KATNIP: variants seen among roughly 807,000 people sequenced by gnomAD.
The protein encoded by KATNIP is katanin interacting protein, also known as katanin-interacting protein.
A neutral mutation model predicts 174.0 loss-of-function variants in KATNIP; 126 were observed. That is an observed-to-expected ratio of 0.72 (90% CI 0.63 to 0.84). KATNIP has a LOEUF of 0.84. KATNIP is among the 40% of genes least tolerant of loss of function. KATNIP has a pLI of 0.00. For synonymous variants in KATNIP, 810 were observed against 835.7 expected, an observed-to-expected ratio of 0.97 and a Z score of 0.53; for missense variants, 1,958 against 2,109.7, an observed-to-expected ratio of 0.93 and a Z score of 1.41.
At chr16:27,712,492 G>C (rs2079618293) in intron 13 of KATNIP, among the ~76,000 whole-genome samples, 1 of 152,166 alleles carries the variant, frequency 6.6e-6, no homozygotes, top group Non-Finnish European at 1.5e-5. Flanking sequence ...ACTTGCCCCA[G>C]GCCATGCGCA....
intron 24 of KATNIP, among the ~76,000 whole-genome samples, chr16:27,775,983 G>A (rs1233523903): frequency 2.6e-5 from 4 of 152,180 alleles, no homozygotes; most frequent in Admixed American, 2.0e-4. Context: ...CTGAGACTCA[G>A]GCCACCCACT....
intron 6 of KATNIP, among the ~76,000 whole-genome samples, chr16:27,676,920 C>T (rs1039021265): frequency 6.6e-6 from 1 of 152,176 alleles, no homozygotes; most frequent in Admixed American, 6.5e-5. Flanking sequence ...AGTCCTTTTG[C>T]CTCGGCCTCC....
intron 7 of KATNIP, 21 bp from the exon 8 acceptor site, chr16:27,681,378 G>C (rs769279822): frequency 6.2e-7 from 1 of 1,613,990 alleles, no homozygotes. Context: ...CGTCTTACAT[G>C]AAACAATTGT....
chr16:27,637,130 A>G lies in KATNIP; in HGVS notation c.408+5968A>G, dbSNP rs190444917. On this transcript the variant is annotated intron_variant, in intron 5 of 27. Coordinates refer to ENST00000261588, the MANE Select transcript of KATNIP (RefSeq NM_015202.5). The surrounding 1 kb of genome is among the most constrained non-coding windows in gnomAD (Gnocchi z 4.7). The stretch of plus-strand genomic sequence containing the variant: ...GGGGTCTGTGTTTGGAGAGAAGCTG[A>G]AGCAGTGCCTGGCACAGGAGAAATA... 6.6e-6 allele frequency among the ~76,000 whole-genome samples: 1 copy of G among 152,322 alleles called. No individual in the cohort carries two copies. The highest frequency in any genetic ancestry group is 6.5e-5 in the Admixed American group (1 of 15,306).
chr16:27,574,310 G>T (rs1255085175), intron 2 of KATNIP: 6 of 293,794 alleles, frequency 2.0e-5, no homozygotes, highest in Non-Finnish European at 4.0e-5. Flanking sequence ...ACCAGGCTCC[G>T]CATGGTGCTC....
chr16:27,754,324 G>T, intron 18 of KATNIP, 73 bp downstream of exon 18: 1 of 1,293,518 alleles, frequency 7.7e-7, no homozygotes, highest in Non-Finnish European at 1.1e-6. Context: ...GTGGCCACTT[G>T]GGACAGGGTT....
At chr16:27,568,306 C>T (rs1395347893) in intron 1 of KATNIP, among the ~76,000 whole-genome samples, 1 of 152,184 alleles carries the variant, frequency 6.6e-6, no homozygotes, top group Admixed American at 6.5e-5. Context: ...TATTACAAAT[C>T]ATGATACAGC....
chr16:27,771,212 C>T (rs2082286634), intron 21 of KATNIP, among the ~76,000 whole-genome samples: 1 of 152,194 alleles, frequency 6.6e-6, no homozygotes, highest in Admixed American at 6.5e-5. Flanking sequence ...CCTCACGTCC[C>T]ATCCCGGTTC....
chr16:27,558,840 GTTTTATACCACACAC>G (rs2089735612), intron 1 of KATNIP, among the ~76,000 whole-genome samples: 2 of 152,146 alleles, frequency 1.3e-5, no homozygotes, highest in African/African-American at 4.8e-5. Context: ...GATTGTGTCT[GTTTTATACCACACAC>G]CTAGTAGGTA....
Position 27,777,683 on chromosome 16 carries a change from C to T in KATNIP, c.4625C>T (p.Pro1542Leu). 1 of 1,614,046 alleles carries T rather than the reference C, an allele frequency of 6.2e-7. No individual in the cohort carries two copies. The highest frequency in any genetic ancestry group is 8.5e-7 in the Non-Finnish European group (1 of 1,180,006). The change falls in exon 26 of 28, where the codon CCC (proline) becomes CTC (leucine). Residue 1542 changes from proline (P) to leucine (L), a missense_variant. Physicochemically the swap from Pro to Leu is moderately conservative, Grantham distance 98. This residue lies in a region of KATNIP where 383 missense variants were observed against 456.0 expected (regional missense o/e 0.84). Transcript: ENST00000261588. This position sits in a 1 kb window ranked among gnomAD's most constrained non-coding sequence, Gnocchi z 4.4. ...AGCCACCTGGTGGGGGGCATCCTGC[C>T]CACATGTGAGCCCACCGTGCCCTAC... is the stretch of plus-strand genomic sequence containing the variant. ...MVSHLVGGILPTCEPTVPYHT... is the reference protein window; with the variant it reads ...MVSHLVGGILLTCEPTVPYHT...
intron 2 of KATNIP, among the ~76,000 whole-genome samples, chr16:27,591,596 A>G (rs1286327147): frequency 6.6e-6 from 1 of 152,218 alleles, no homozygotes; most frequent in African/African-American, 2.4e-5. Context: ...AATGGGGATA[A>G]TGATAATAAT....
At chr16:27,591,532 A>C (rs1596829767) in intron 2 of KATNIP, among the ~76,000 whole-genome samples, 1 of 152,052 alleles carries the variant, frequency 6.6e-6, no homozygotes, top group Admixed American at 6.6e-5. Flanking sequence ...TCTGCTCTCT[A>C]CTACCTTGGT....
At chr16:27,778,236 G>A (rs780140325) in intron 27 of KATNIP, among the ~76,000 whole-genome samples, 7 of 152,234 alleles carry the variant, frequency 4.6e-5, no homozygotes, top group Admixed American at 2.6e-4. Flanking sequence ...AAGCAGTCAG[G>A]GACAGAGCAC....
intron 8 of KATNIP, among the ~76,000 whole-genome samples, chr16:27,695,108 T>A (rs2078869108): frequency 1.3e-5 from 2 of 152,248 alleles, no homozygotes; most frequent in Admixed American, 1.3e-4. Context: ...CTCTGGCAGA[T>A]GCCTGTAATC....
chr16:27,724,821 A>G (rs140715131), intron 14 of KATNIP, among the ~76,000 whole-genome samples: 111 of 152,336 alleles, frequency 7.3e-4, no homozygotes, highest in African/African-American at 2.5e-3. Flanking sequence ...AGGCTTGTTA[A>G]TAGTGTTTTG....
intron 5 of KATNIP, among the ~76,000 whole-genome samples, chr16:27,640,457 C>T (rs974854919): frequency 1.3e-5 from 2 of 152,144 alleles, no homozygotes; most frequent in Non-Finnish European, 2.9e-5. Flanking sequence ...GTGGGCAGGG[C>T]TGCTTTCAAT....
rs1036558796 is a variant in KATNIP, at chr16:27,778,964, C to T, written c.*335C>T. 17 of 258,624 alleles carry T rather than the reference C, an allele frequency of 6.6e-5. No individual in the cohort carries two copies. The highest frequency in any genetic ancestry group is 1.1e-4 in the African/African-American group (5 of 45,060). The allele number at this position is 258,624 out of a possible 1,614,324, so 16.0% of individuals were successfully genotyped here. A position where few individuals can be genotyped will look rare whatever the true frequency, so the allele number is the denominator to read the frequency against. On this transcript the variant is annotated 3_prime_UTR_variant, in exon 28 of 28. Transcript: ENST00000261588. ...ACCCTGACTCAGAACAGGACAATGACGGGGTGGGGAGGCATCCCATCCAGC... is the reference window on the plus strand; with the variant it reads ...ACCCTGACTCAGAACAGGACAATGATGGGGTGGGGAGGCATCCCATCCAGC...
rs956569669 is a variant in KATNIP at position 27,637,856 on chromosome 16, GT to G, written c.408+6695del. The stretch of plus-strand genomic sequence containing the variant: ...TTGGGTTCATATTTTGGGTTCATGT[GT>G]GCAGAAAGGACCGCCCATGGGAGCA... On this transcript the variant is annotated intron_variant, in intron 5 of 27. Transcript: ENST00000261588. The surrounding 1 kb of genome is among the most constrained non-coding windows in gnomAD (Gnocchi z 4.7). Among the ~76,000 whole-genome samples, 2 of 152,192 alleles carry G rather than the reference GT, an allele frequency of 1.3e-5. No homozygotes were observed. Among genetic ancestry groups the G allele is most frequent in the Admixed American group, 1.3e-4 (2 of 15,284 alleles).
intron 14 of KATNIP, among the ~76,000 whole-genome samples, chr16:27,730,547 C>A (rs1466983283): frequency 6.6e-6 from 1 of 152,174 alleles, no homozygotes; most frequent in Non-Finnish European, 1.5e-5. Context: ...CCCACTGGCC[C>A]CCATAAAACT....
Sources: gnomAD v4.1 joint callset for allele counts (sites outside exome capture counted in the v4.1 genomes callset) on GRCh38, gnomAD v4.1.1 for gene constraint, gnomAD v4.1.1 regional missense constraint, Gnocchi (gnomAD v3.1) non-coding constraint, MANE v1.5 for transcripts, NCBI Gene and HGNC (gene_info 2026-07-23, HGNC 2026-07-21) for gene names.